PHF14: variants seen among roughly 807,000 people sequenced by gnomAD.
PHF14 encodes the protein PHD finger protein 14.
PHF14 carries 55 observed loss-of-function variants against 117.9 expected under a neutral mutation model. That is an observed-to-expected ratio of 0.47 (90% CI 0.38 to 0.58). The LOEUF (loss-of-function observed/expected upper bound fraction) is 0.58. PHF14 is among the 20% of genes least tolerant of loss of function. PHF14 has a pLI of 0.00. For missense variants in PHF14, 978 were observed against 1,122.2 expected (o/e 0.87, Z 1.84); for synonymous variants, 409 against 368.6 (o/e 1.11, Z -1.26).
intron 3 of PHF14, among the ~76,000 whole-genome samples, chr7:10,987,595 T>G (rs1195003417): frequency 1.3e-5 from 2 of 152,200 alleles, no homozygotes; most frequent in Non-Finnish European, 2.9e-5. Context: ...ATAATTACAT[T>G]GGATTCCATT....
intron 12 of PHF14, among the ~76,000 whole-genome samples, chr7:11,041,375 T>C (rs1035226757): frequency 3.9e-5 from 6 of 151,976 alleles, no homozygotes; most frequent in Admixed American, 3.9e-4. Context: ...TCTCACTTTT[T>C]CCCAAATAAT....
At chr7:11,105,307 T>C in intron 16 of PHF14, 2 of 943,868 alleles carry the variant, frequency 2.1e-6, no homozygotes. Context: ...AATAGACTGC[T>C]GACCAATAAA....
intron 17 of PHF14, among the ~76,000 whole-genome samples, chr7:11,152,827 C>G (rs1242418406): frequency 1.3e-5 from 2 of 152,140 alleles, no homozygotes; most frequent in Non-Finnish European, 2.9e-5. Flanking sequence ...CTCACTGATA[C>G]CTGCATGACA....
At chr7:11,092,346 C>T (rs1786670066) in intron 16 of PHF14, among the ~76,000 whole-genome samples, 1 of 152,122 alleles carries the variant, frequency 6.6e-6, no homozygotes, top group African/African-American at 2.4e-5. Context: ...GAAGTGGTGA[C>T]CAAGAATTTG....
At chr7:11,001,939 A>G (rs912021845) in intron 4 of PHF14, among the ~76,000 whole-genome samples, 3 of 152,122 alleles carry the variant, frequency 2.0e-5, no homozygotes, top group Non-Finnish European at 2.9e-5. Context: ...TTTGTGGGCA[A>G]GCTTCTAGTT....
chr7:11,059,067 C>G (rs1215368423), intron 14 of PHF14, among the ~76,000 whole-genome samples: 1 of 151,592 alleles, frequency 6.6e-6, no homozygotes, highest in African/African-American at 2.4e-5. Context: ...ACAAATACAC[C>G]TAATATATGA....
chr7:10,978,574 T>C (rs760281914), intron 2 of PHF14, among the ~76,000 whole-genome samples: 5 of 152,196 alleles, frequency 3.3e-5, no homozygotes, highest in Non-Finnish European at 5.9e-5. Flanking sequence ...TAAGGTCAAA[T>C]TGTGGCTGTA....
chr7:11,080,376 C>T (rs970983192), intron 16 of PHF14, among the ~76,000 whole-genome samples: 1 of 151,774 alleles, frequency 6.6e-6, no homozygotes, highest in Non-Finnish European at 1.5e-5. Context: ...GTGTTTTTTT[C>T]CCCCCTCAGA....
At chr7:10,998,441 C>A (rs1386810471) in intron 4 of PHF14, among the ~76,000 whole-genome samples, 2 of 151,896 alleles carry the variant, frequency 1.3e-5, no homozygotes, top group African/African-American at 4.8e-5. Context: ...CACACAGACA[C>A]ATATATGTAT....
intron 17 of PHF14, among the ~76,000 whole-genome samples, chr7:11,123,350 T>G (rs1787828373): frequency 6.6e-6 from 1 of 152,208 alleles, no homozygotes; most frequent in Non-Finnish European, 1.5e-5. Context: ...TATAGTCTCC[T>G]TTTACTAAGT....
intron 16 of PHF14, among the ~76,000 whole-genome samples, chr7:11,090,966 CAT>C (rs1786620726): frequency 6.6e-5 from 10 of 152,102 alleles, no homozygotes; most frequent in Admixed American, 5.2e-4. Flanking sequence ...CCATATGAGT[CAT>C]GTGTGATGTA....
chr7:11,089,988 C>A (rs1477988300), intron 16 of PHF14, among the ~76,000 whole-genome samples: 3 of 152,140 alleles, frequency 2.0e-5, no homozygotes, highest in African/African-American at 7.2e-5. Context: ...TCAGGCTGGT[C>A]TCGAACTCCT....
chr7:11,106,583 C>A, intron 16 of PHF14: 1 of 984,206 alleles, frequency 1.0e-6, no homozygotes, highest in Non-Finnish European at 1.2e-6. Flanking sequence ...TCATTGACCA[C>A]AATTTGTATT....
chr7:11,029,509 A>G (rs537740289), intron 7 of PHF14, among the ~76,000 whole-genome samples: 29 of 152,300 alleles, frequency 1.9e-4, no homozygotes, highest in Non-Finnish European at 3.4e-4. Flanking sequence ...TCAGTTATCT[A>G]GACATTAGTA....
intron 4 of PHF14, among the ~76,000 whole-genome samples, chr7:10,992,757 A>C (rs1782507428): frequency 6.6e-6 from 1 of 152,314 alleles, no homozygotes; most frequent in South Asian, 2.1e-4. Context: ...TGTTTTATCT[A>C]ATTTATATAG....
chr7:11,130,422 T>C lies in PHF14; in HGVS notation c.2772+18955T>C, dbSNP rs763804844. 6.6e-6 allele frequency among the ~76,000 whole-genome samples: 1 copy of C among 152,012 alleles called. No individual in the cohort carries two copies. Among genetic ancestry groups the C allele is most frequent in the African/African-American group, 2.4e-5 (1 of 41,418 alleles). The stretch of plus-strand genomic sequence containing the variant: ...AACTGCATAATAGTGTGAAATGTAA[T>C]GGTAGTAGTAATAGCTGCTAATATG... On this transcript the variant is annotated intron_variant, in intron 17 of 17. Transcript: ENST00000634607. This position sits in a 1 kb window ranked among gnomAD's most constrained non-coding sequence, Gnocchi z 4.2.
rs1209126879 is a variant in PHF14 at position 10,982,596 on chromosome 7, A to G, written c.337A>G (p.Lys113Glu). 10 of 1,512,836 alleles carry G rather than the reference A, an allele frequency of 6.6e-6. No homozygotes were observed. The highest frequency in any genetic ancestry group is 9.0e-6 in the Non-Finnish European group (10 of 1,115,290). 93.7% of individuals were successfully genotyped at this position (1,512,836 alleles called of 1,614,324 possible). ...EEEENGERPR[K>E]KKEKEKEKEK... ...AGAAGAAAATGGAGAAAGACCTAGA[A>G]AGAAAAAGGAGAAAGAGAAGGAAAA... is the stretch of plus-strand genomic sequence containing the variant. The change falls in exon 3 of 18, where the codon AAG (lysine) becomes GAG (glutamate). Residue 113 changes from lysine (K) to glutamate (E), a missense_variant. By Grantham distance (56) the Lys-to-Glu change is moderately conservative. Transcript: ENST00000634607.
At chr7:11,118,005 T>A (rs2128345027) in intron 17 of PHF14, among the ~76,000 whole-genome samples, 1 of 151,960 alleles carries the variant, frequency 6.6e-6, no homozygotes, top group Middle Eastern at 3.4e-3. Flanking sequence ...TGTATACCAC[T>A]CAGCTGTCTA....
chr7:11,167,680 A>G (rs186102996), intron 17 of PHF14, among the ~76,000 whole-genome samples: 1 of 152,320 alleles, frequency 6.6e-6, no homozygotes. Flanking sequence ...TCTCTCCTGA[A>G]GAAGACAGGG....
Sources: gnomAD v4.1 joint callset for allele counts (sites outside exome capture counted in the v4.1 genomes callset) on GRCh38, gnomAD v4.1.1 for gene constraint, Gnocchi (gnomAD v3.1) non-coding constraint, MANE v1.5 for transcripts, NCBI Gene and HGNC (gene_info 2026-07-23, HGNC 2026-07-21) for gene names.